Variants in DMD observed in about 807,000 individuals in gnomAD.
DMD encodes the protein dystrophin, also known as mutant dystrophin.
DMD carries 63 observed loss-of-function variants against 330.1 expected under a neutral mutation model. That is an observed-to-expected ratio of 0.19 (90% CI 0.16 to 0.24). The LOEUF (loss-of-function observed/expected upper bound fraction) is 0.24, where lower values mean the gene tolerates loss of function less well. Among genes scored for constraint, DMD ranks in the 10% least tolerant of loss-of-function variants. The pLI, the probability that DMD is intolerant of heterozygous loss-of-function variation, is 1.00. For synonymous variants in DMD, 1,223 were observed against 959.8 expected (o/e 1.27, Z -5.07); for missense variants, 3,344 against 2,684.1 (o/e 1.25, Z -5.43).
At chrX:33,248,685 A>T (rs138181551) in intron 1 of DMD, among the ~76,000 whole-genome samples, 1,131 of 112,183 alleles carry the variant, frequency 0.01, 17 homozygotes, top group African/African-American at 0.034. Flanking sequence ...GAGGAAGAGA[A>T]AATTATCCTA....
chrX:33,018,160 C>T (rs2093840564), intron 2 of DMD, among the ~76,000 whole-genome samples: 1 of 111,663 alleles, frequency 9.0e-6, no homozygotes, highest in Non-Finnish European at 1.9e-5. Flanking sequence ...AAGTTTTCTC[C>T]TCTGTCTTTG....
At chrX:31,934,275 G>T (rs1392549881) in intron 45 of DMD, among the ~76,000 whole-genome samples, 2 of 111,379 alleles carry the variant, frequency 1.8e-5, no homozygotes, top group African/African-American at 6.5e-5. Context: ...GAGAACTACA[G>T]TTGCGATCAT....
At chrX:32,260,056 T>G (rs928574224) in intron 43 of DMD, among the ~76,000 whole-genome samples, 75 of 111,237 alleles carry the variant, frequency 6.7e-4, no homozygotes, top group Non-Finnish European at 1.3e-3. Flanking sequence ...TTAGTACTCT[T>G]TGGATATCTT....
chrX:32,578,770 G>A (rs761581661), intron 13 of DMD, among the ~76,000 whole-genome samples: 5 of 111,282 alleles, frequency 4.5e-5, no homozygotes, highest in Non-Finnish European at 7.5e-5. Flanking sequence ...GTTCCCAGGC[G>A]TATATCCACT....
intron 44 of DMD, among the ~76,000 whole-genome samples, chrX:32,176,555 T>C (rs7064539): frequency 0.088 from 9,772 of 111,656 alleles, 896 homozygotes; most frequent in African/African-American, 0.27. Flanking sequence ...TATATCATTT[T>C]ATTAAAATGT....
chrX:31,400,262 T>G (rs1158697235), intron 60 of DMD, among the ~76,000 whole-genome samples: 1 of 111,743 alleles, frequency 8.9e-6, no homozygotes, highest in African/African-American at 3.3e-5. Context: ...TTGCCTCCTT[T>G]GGAAAGGCGA....
chrX:33,176,414 G>A (rs752433348), intron 1 of DMD, among the ~76,000 whole-genome samples: 623 of 56,262 alleles, frequency 0.011, 3 homozygotes, highest in African/African-American at 0.033. Flanking sequence ...AAGGAGAAGA[G>A]TTAATGTAAA....
In DMD at chrX:33,332,416, CAA is replaced by C. The variant is rs375759670; in HGVS notation, c.7+6841_7+6842del. On this transcript the variant is annotated intron_variant, in intron 1 of 17. Coordinates refer to the DMD transcript ENST00000288447. ...TTTTTCTGTTGACCCTAACATATAA[CAA>C]ATGAAGACATGTGCAGATATAACAT... Among the ~76,000 whole-genome samples, 390 of 111,446 alleles carry C rather than the reference CAA, an allele frequency of 3.5e-3. 2 individuals are homozygous for C. The highest frequency in any genetic ancestry group is 0.011 in the African/African-American group (348 of 30,812).
chrX:31,820,116 G>C, intron 49 of DMD, 33 bp from the exon 50 acceptor site: 2 of 1,066,494 alleles, frequency 1.9e-6, no homozygotes, highest in Non-Finnish European at 1.3e-6. Flanking sequence ...TTACTTATTC[G>C]ATTAACACTT....
chrX:33,314,570 G>GTTTTTTTTTTTTTTTTT (rs1170142842), intron 1 of DMD, among the ~76,000 whole-genome samples: 2 of 79,044 alleles, frequency 2.5e-5, no homozygotes, highest in Non-Finnish European at 4.6e-5. Flanking sequence ...TTTTTTTTTT[G>GTTTTTTTTTTTTTTTTT]TTTTTTTTTT....
intron 55 of DMD, among the ~76,000 whole-genome samples, chrX:31,596,900 G>A (rs1480996502): frequency 1.8e-5 from 2 of 112,191 alleles, no homozygotes; most frequent in Non-Finnish European, 3.8e-5. Flanking sequence ...CATCTCTGGG[G>A]TTGGGGCTAA....
intron 55 of DMD, among the ~76,000 whole-genome samples, chrX:31,558,691 T>C (rs1190977328): frequency 9.0e-6 from 1 of 111,201 alleles, no homozygotes; most frequent in East Asian, 2.8e-4. Context: ...TATATGGACA[T>C]ATAATTGGCA....
chrX:32,051,901 T>A (rs1231317373), intron 44 of DMD, among the ~76,000 whole-genome samples: 2 of 111,614 alleles, frequency 1.8e-5, no homozygotes, highest in Non-Finnish European at 3.8e-5. Context: ...CCTTGTTCTT[T>A]AAACTCTGGA....
chrX:32,207,763 G>A (rs1455249470), intron 44 of DMD, among the ~76,000 whole-genome samples: 1 of 111,601 alleles, frequency 9.0e-6, no homozygotes, highest in Non-Finnish European at 1.9e-5. Flanking sequence ...ATGTTCATAA[G>A]CCTCCATTAA....
At position 32,545,279 on chromosome X, in the gene DMD, T is replaced by C. The variant is rs2048862731; in HGVS notation, c.2048A>G (p.Glu683Gly). 2 of 1,210,595 alleles carry C rather than the reference T, an allele frequency of 1.7e-6. No individual in the cohort carries two copies. The highest frequency in any genetic ancestry group is 2.2e-6 in the Non-Finnish European group (2 of 894,563). Residue 683 changes from glutamate to glycine, a missense_variant, in exon 17 of 79, where the codon GAA (glutamate) becomes GGA (glycine). Glu to Gly is a moderately conservative substitution (Grantham distance 98, BLOSUM62 -2). Transcript: ENST00000357033. Reference sequence around the variant, plus strand: ...CCTTGTGGTCACCGTAGTTACTGTTTCCATTACAGTTGTCTGTGTTAGTGA... The same window carrying C: ...CCTTGTGGTCACCGTAGTTACTGTTCCCATTACAGTTGTCTGTGTTAGTGA... ...QPSLTQTTVMETVTTVTTREQ... is the reference protein window; with the variant it reads ...QPSLTQTTVMGTVTTVTTREQ...
chrX:31,165,967 T>C (rs945152634), intron 74 of DMD, among the ~76,000 whole-genome samples: 9 of 111,490 alleles, frequency 8.1e-5, no homozygotes, highest in Admixed American at 1.9e-4. Flanking sequence ...AAACGGGTTC[T>C]TAACATTCTA....
intron 55 of DMD, among the ~76,000 whole-genome samples, chrX:31,555,996 A>G (rs1277436377): frequency 9.0e-6 from 1 of 111,523 alleles, no homozygotes; most frequent in Non-Finnish European, 1.9e-5. Flanking sequence ...ATTGCATTTA[A>G]GTAATTCCCC....
rs3061693 is a variant in DMD, at chrX:31,351,725, C to CA, written c.9085-3092dup. Among the ~76,000 whole-genome samples the CA allele has an allele frequency of 1.6e-3, 86 of 52,982 alleles. 2 individuals are homozygous for CA. The highest frequency in any genetic ancestry group is 4.6e-3 in the African/African-American group (54 of 11,706). 46.0% of individuals were successfully genotyped at this position (52,982 alleles called of 115,157 possible). On this transcript the variant is annotated intron_variant, in intron 60 of 78. Transcript: ENST00000357033. ...TAGGTAACAGAACAAGACTCCATCT[C>CA]AAAAAAAAAAAAAAAAAAAGCAAAA... is the stretch of plus-strand genomic sequence containing the variant.
chrX:32,656,599 A>T (rs2060589606), intron 9 of DMD, among the ~76,000 whole-genome samples: 1 of 111,937 alleles, frequency 8.9e-6, no homozygotes, highest in African/African-American at 3.2e-5. Context: ...CTACTATAAA[A>T]TCAGATGTCT....
Sources: allele counts gnomAD v4.1 joint callset (sites outside exome capture counted in the v4.1 genomes callset), GRCh38; gene constraint gnomAD v4.1.1; transcripts MANE v1.5; gene names NCBI Gene and HGNC (gene_info 2026-07-23, HGNC 2026-07-21).